HNRNPF: variants seen among roughly 807,000 people sequenced by gnomAD.
HNRNPF encodes heterogeneous nuclear ribonucleoprotein F.
Under a neutral mutation model 26.0 loss-of-function variants are expected in HNRNPF, and 2 were observed. The observed-to-expected ratio is 0.08, with a 90% CI of 0.03 to 0.24. The LOEUF (loss-of-function observed/expected upper bound fraction) is 0.24, where lower values mean the gene tolerates loss of function less well. Ranked by LOEUF, HNRNPF falls within the 10% of genes least tolerant of loss-of-function variation. The pLI is 1.00. For synonymous variants in HNRNPF, 234 were observed against 211.5 expected, an observed-to-expected ratio of 1.11 and a Z score of -0.92; for missense variants, 299 against 539.2, an observed-to-expected ratio of 0.55 and a Z score of 4.41.
At position 43,387,781 on chromosome 10, in the gene HNRNPF, G is replaced by C; in HGVS notation, c.104C>G (p.Thr35Arg). Residue 35 changes from threonine (T) to arginine (R), a missense_variant, in exon 4 of 4, where the codon ACG becomes AGG. Coordinates refer to ENST00000682386, the MANE Select transcript of HNRNPF (RefSeq NM_001098204.2). This position sits in a 1 kb window ranked among gnomAD's most constrained non-coding sequence, Gnocchi z 6.0. ...GACACCTGCGGCCCCATCATGAATC[G>C]TGCAGTCAGAGAGGAAGTTCTGCAC... ...EDVQNFLSDC[T>R]IHDGAAGVHF... The C allele has an allele frequency of 1.9e-6, 3 of 1,613,986 alleles. No homozygotes were observed. Among genetic ancestry groups the C allele is most frequent in the Non-Finnish European group, 2.5e-6 (3 of 1,180,012 alleles).
chr10:43,406,901 TAATA>T (rs895530063), intron 1 of HNRNPF, among the ~76,000 whole-genome samples: 2 of 152,098 alleles, frequency 1.3e-5, no homozygotes, highest in African/African-American at 4.8e-5. Flanking sequence ...ATCTCTCTCT[TAATA>T]TTCATTAAAG....
intron 3 of HNRNPF, among the ~76,000 whole-genome samples, chr10:43,388,348 C>A (rs1168215053): frequency 6.6e-6 from 1 of 152,122 alleles, no homozygotes; most frequent in African/African-American, 2.4e-5. Flanking sequence ...TGGTAGGATA[C>A]TTTTACTTTC....
At chr10:43,407,604 G>A (rs1036892120) in intron 1 of HNRNPF, 5 of 152,190 alleles carry the variant, frequency 3.3e-5, no homozygotes, top group African/African-American at 2.4e-5. Flanking sequence ...CCTACGAGCA[G>A]GGCGGAATCG....
Position 43,387,914 on chromosome 10 carries a change from T to A in HNRNPF, c.-30A>T. 2 of 1,533,408 alleles carry A rather than the reference T, an allele frequency of 1.3e-6. No homozygotes were observed. Among genetic ancestry groups the A allele is most frequent in the South Asian group, 2.5e-5 (2 of 81,154 alleles). 95.0% of individuals were successfully genotyped at this position (1,533,408 alleles called of 1,614,324 possible). A position where few individuals can be genotyped will look rare whatever the true frequency, so the allele number is the denominator to read the frequency against. On this transcript the variant is annotated 5_prime_UTR_variant, in exon 4 of 4. Coordinates refer to ENST00000682386, the MANE Select transcript of HNRNPF (RefSeq NM_001098204.2). The surrounding 1 kb of genome is among the most constrained non-coding windows in gnomAD (Gnocchi z 6.0). The stretch of plus-strand genomic sequence containing the variant: ...ACTTGTCAGGGTGGGTGTCAGGTGA[T>A]CTTGGGTGTGGCTTTTTTGTGGCTG...
intron 1 of HNRNPF, among the ~76,000 whole-genome samples, chr10:43,403,374 C>A (rs916005651): frequency 6.6e-6 from 1 of 152,136 alleles, no homozygotes; most frequent in African/African-American, 2.4e-5. Context: ...ACTTACAAAG[C>A]GTTGATGTTC....
Position 43,396,468 on chromosome 10 carries a change from C to G in HNRNPF, c.-124G>C, listed in dbSNP as rs1273472743. The G allele has an allele frequency of 6.6e-6, 1 of 152,286 alleles. No homozygotes were observed. Among genetic ancestry groups the G allele is most frequent in the Non-Finnish European group, 1.5e-5 (1 of 68,116 alleles). The allele number at this position is 152,286 out of a possible 1,614,324, so 9.4% of individuals were successfully genotyped here. A position where few individuals can be genotyped will look rare whatever the true frequency, so the allele number is the denominator to read the frequency against. ...GCTCTAGACTTACCACGGAGGCGAGCAGGACTGGTTTCTGTTGCTACCAGG... is the reference window on the plus strand; with the variant it reads ...GCTCTAGACTTACCACGGAGGCGAGGAGGACTGGTTTCTGTTGCTACCAGG... On this transcript the variant is annotated 5_prime_UTR_variant, in exon 2 of 4. Transcript: ENST00000682386.
At chr10:43,399,155 C>T (rs1364204611) in intron 1 of HNRNPF, among the ~76,000 whole-genome samples, 1 of 152,114 alleles carries the variant, frequency 6.6e-6, no homozygotes, top group African/African-American at 2.4e-5. Flanking sequence ...GTGACAGGCA[C>T]ATTAGCCTCA....
At chr10:43,408,393 T>A (rs894682002) in intron 1 of HNRNPF, among the ~76,000 whole-genome samples, 1 of 152,264 alleles carries the variant, frequency 6.6e-6, no homozygotes, top group Admixed American at 6.5e-5. Context: ...GTGGGTCCAG[T>A]TCTTGCCGGT....
intron 1 of HNRNPF, among the ~76,000 whole-genome samples, chr10:43,397,782 A>G (rs565381848): frequency 6.6e-6 from 1 of 152,362 alleles, no homozygotes; most frequent in Admixed American, 6.5e-5. Context: ...GACATTTTAT[A>G]TTGCAGAATT....
chr10:43,395,158 G>A (rs183154385), intron 2 of HNRNPF, among the ~76,000 whole-genome samples: 4 of 152,192 alleles, frequency 2.6e-5, no homozygotes. Context: ...GGAGGGAGAT[G>A]GGTGGGGGAG....
At chr10:43,397,515 T>G (rs1479614125) in intron 1 of HNRNPF, among the ~76,000 whole-genome samples, 1 of 152,118 alleles carries the variant, frequency 6.6e-6, no homozygotes, top group African/African-American at 2.4e-5. Flanking sequence ...GGGCGGGCAG[T>G]GCAGAGTGGA....
intron 3 of HNRNPF, among the ~76,000 whole-genome samples, chr10:43,392,476 T>A (rs1237892619): frequency 6.6e-6 from 1 of 152,122 alleles, no homozygotes; most frequent in Admixed American, 6.5e-5. Context: ...AAGGCAGAGG[T>A]TGCAGTGAGC....
chr10:43,390,739 G>A (rs1838210205), intron 3 of HNRNPF, among the ~76,000 whole-genome samples: 1 of 152,224 alleles, frequency 6.6e-6, no homozygotes, highest in African/African-American at 2.4e-5. Flanking sequence ...CTCCATGGAT[G>A]TACTGAGTGG....
Position 43,387,983 on chromosome 10 carries a change from T to C in HNRNPF, c.-52-47A>G. 1 of 1,038,760 alleles carries C rather than the reference T, an allele frequency of 9.6e-7. No individual in the cohort carries two copies. The highest frequency in any genetic ancestry group is 1.4e-6 in the Non-Finnish European group (1 of 722,342). The allele number at this position is 1,038,760 out of a possible 1,614,324, so 64.3% of individuals were successfully genotyped here. On this transcript the variant is annotated intron_variant, in intron 3 of 3. Transcript: ENST00000682386. This position sits in a 1 kb window ranked among gnomAD's most constrained non-coding sequence, Gnocchi z 6.0. ...ATTTATTTAGTATGCAACAGAAATT[T>C]TCCCCATTTTACAGACGAGAGAGGT... is the stretch of plus-strand genomic sequence containing the variant.
intron 3 of HNRNPF, among the ~76,000 whole-genome samples, chr10:43,389,343 T>C (rs567552233): frequency 6.6e-6 from 1 of 152,146 alleles, no homozygotes; most frequent in South Asian, 2.1e-4. Context: ...TTTCAAGAAA[T>C]ATGGGCTCAT....
intron 3 of HNRNPF, among the ~76,000 whole-genome samples, chr10:43,390,553 C>A (rs1369053229): frequency 6.6e-6 from 1 of 152,194 alleles, no homozygotes; most frequent in African/African-American, 2.4e-5. Context: ...TTGTAGAGAC[C>A]TTGGCTTCCT....
intron 1 of HNRNPF, among the ~76,000 whole-genome samples, chr10:43,408,117 C>T (rs1000335546): frequency 5.5e-4 from 83 of 152,084 alleles, no homozygotes; most frequent in African/African-American, 2.0e-3. Context: ...TCAGTAGAGA[C>T]AGTCTATGTT....
Position 43,395,067 on chromosome 10 carries a change from C to T in HNRNPF, c.-111-379G>A, listed in dbSNP as rs543418967. On this transcript the variant is annotated intron_variant, in intron 2 of 3. Coordinates refer to ENST00000682386, the MANE Select transcript of HNRNPF (RefSeq NM_001098204.2). ...AACTCCTGACCTCAGGTGATCCGCCCGCCTCTGCCCAATTCTAAGTTTGTA... is the reference window on the plus strand; with the variant it reads ...AACTCCTGACCTCAGGTGATCCGCCTGCCTCTGCCCAATTCTAAGTTTGTA... Among the ~76,000 whole-genome samples the T allele has an allele frequency of 2.0e-5, 3 of 152,178 alleles. No individual in the cohort carries two copies. In the East Asian group the frequency reaches 5.8e-4, roughly 29 times the overall value.
chr10:43,387,956 A>T lies in HNRNPF; in HGVS notation c.-52-20T>A, dbSNP rs911134026. 6.7e-6 allele frequency: 9 copies of T among 1,344,426 alleles called. No individual in the cohort carries two copies. The highest frequency in any genetic ancestry group is 9.2e-6 in the Non-Finnish European group (9 of 981,466). The allele number at this position is 1,344,426 out of a possible 1,614,324, so 83.3% of individuals were successfully genotyped here. A position where few individuals can be genotyped will look rare whatever the true frequency, so the allele number is the denominator to read the frequency against. On this transcript the variant is annotated intron_variant, in intron 3 of 3. Coordinates refer to ENST00000682386, the MANE Select transcript of HNRNPF (RefSeq NM_001098204.2). The surrounding 1 kb of genome is among the most constrained non-coding windows in gnomAD (Gnocchi z 6.0). ...TTGTGGCTGGAAAAAAAAAAAAGAAAAATTTATTTAGTATGCAACAGAAAT... is the reference window on the plus strand; with the variant it reads ...TTGTGGCTGGAAAAAAAAAAAAGAATAATTTATTTAGTATGCAACAGAAAT...
Sources: allele counts gnomAD v4.1 joint callset (sites outside exome capture counted in the v4.1 genomes callset), GRCh38; gene constraint gnomAD v4.1.1; non-coding constraint Gnocchi (gnomAD v3.1); transcripts MANE v1.5; gene names NCBI Gene and HGNC (gene_info 2026-07-23, HGNC 2026-07-21).